The following AEBP2 variants were observed in gnomAD, a reference collection of about 807,000 sequenced individuals.
AEBP2 encodes AE binding protein 2, also known as zinc finger protein AEBP2.
In AEBP2, 10 loss-of-function variants were observed where a neutral mutation model predicts 50.8. The observed-to-expected ratio is 0.20, with a 90% CI of 0.12 to 0.33. AEBP2 has a LOEUF of 0.33. Ranked by LOEUF, AEBP2 falls within the 10% of genes least tolerant of loss-of-function variation. The pLI, the probability that AEBP2 is intolerant of heterozygous loss-of-function variation, is 1.00. For missense variants in AEBP2, 570 were observed against 688.0 expected, an observed-to-expected ratio of 0.83 and a Z score of 1.92; for synonymous variants, 296 against 261.3, an observed-to-expected ratio of 1.13 and a Z score of -1.28.
chr12:19,518,898 A>T lies in AEBP2; in HGVS notation c.*781A>T, dbSNP rs1447435885. On this transcript the variant is annotated 3_prime_UTR_variant, in exon 8 of 8. Coordinates refer to ENST00000266508, the MANE Select transcript of AEBP2 (RefSeq NM_153207.5). ...GTTAACGGTTTTTGAAAAACCTTTC[A>T]AATTATTTGAATAATCTTCATATTT... The T allele has an allele frequency of 2.6e-6, 1 of 389,380 alleles. No homozygotes were observed. 24.1% of individuals were successfully genotyped at this position (389,380 alleles called of 1,614,324 possible).
intron 5 of AEBP2, among the ~76,000 whole-genome samples, chr12:19,508,682 T>G (rs888225573): frequency 1.3e-5 from 2 of 152,190 alleles, no homozygotes; most frequent in African/African-American, 4.8e-5. Flanking sequence ...CGATGTTAAC[T>G]TGCATAGATT....
chr12:19,423,018 T>C (rs1458521031), intron 1 of AEBP2, among the ~76,000 whole-genome samples: 2 of 126,428 alleles, frequency 1.6e-5, no homozygotes, highest in Non-Finnish European at 3.1e-5. Context: ...TGAGCCGAGA[T>C]TGTGCCACTG....
At chr12:19,405,656 T>C (rs1260873945) in intron 1 of AEBP2, among the ~76,000 whole-genome samples, 4 of 152,118 alleles carry the variant, frequency 2.6e-5, no homozygotes, top group Non-Finnish European at 4.4e-5. Flanking sequence ...AAGATTTTCC[T>C]CTATTTTCAT....
At chr12:19,504,938 G>A (rs1949134405) in intron 5 of AEBP2, among the ~76,000 whole-genome samples, 1 of 152,136 alleles carries the variant, frequency 6.6e-6, no homozygotes, top group African/African-American at 2.4e-5. Flanking sequence ...GCAAGAAAGT[G>A]GAAAATTAGA....
chr12:19,482,177 C>T (rs1303255450), intron 3 of AEBP2, among the ~76,000 whole-genome samples: 1 of 152,072 alleles, frequency 6.6e-6, no homozygotes, highest in African/African-American at 2.4e-5. Flanking sequence ...TATTGCTCTT[C>T]TGAGTGTAGC....
At chr12:19,497,949 C>CT (rs766491141) in intron 4 of AEBP2, among the ~76,000 whole-genome samples, 19 of 152,306 alleles carry the variant, frequency 1.2e-4, no homozygotes, top group Middle Eastern at 3.4e-3. Context: ...GTATTCTATT[C>CT]TTTACGTACT....
In AEBP2 at chr12:19,446,994, T is replaced by C. The variant is rs568533263; in HGVS notation, c.671+6624T>C. Among the ~76,000 whole-genome samples the C allele has an allele frequency of 2.0e-5, 3 of 152,258 alleles. No individual in the cohort carries two copies. In the South Asian group the frequency reaches 6.2e-4, roughly 32 times the overall value. ...TTGTATAGTTAGTGACTAAAGATTTTGTGTGGGAAGGGGGACAGATTTTAG... is the reference window on the plus strand; with the variant it reads ...TTGTATAGTTAGTGACTAAAGATTTCGTGTGGGAAGGGGGACAGATTTTAG... On this transcript the variant is annotated intron_variant, in intron 1 of 7. Transcript: ENST00000266508.
intron 2 of AEBP2, among the ~76,000 whole-genome samples, chr12:19,467,184 G>C (rs983775089): frequency 6.6e-6 from 1 of 151,962 alleles, no homozygotes; most frequent in Non-Finnish European, 1.5e-5. Flanking sequence ...AGGATTACAG[G>C]TGTGAGCCAC....
At chr12:19,470,481 C>T (rs115879309) in intron 2 of AEBP2, among the ~76,000 whole-genome samples, 413 of 152,270 alleles carry the variant, frequency 2.7e-3, no homozygotes, top group African/African-American at 9.5e-3. Context: ...CTACACATTT[C>T]ACCCCAATAT....
At chr12:19,470,836 G>A (rs192880648) in intron 2 of AEBP2, among the ~76,000 whole-genome samples, 3 of 152,158 alleles carry the variant, frequency 2.0e-5, no homozygotes, top group African/African-American at 7.2e-5. Context: ...GGGCGGGGGG[G>A]TCACTTAAGA....
At chr12:19,480,440 T>G (rs1226407621) in intron 3 of AEBP2, among the ~76,000 whole-genome samples, 1 of 152,222 alleles carries the variant, frequency 6.6e-6, no homozygotes, top group East Asian at 1.9e-4. Flanking sequence ...CGAGGTTTTA[T>G]TTCAAGATTT....
In AEBP2 at chr12:19,439,595, G is replaced by T. The variant is rs2153365816; in HGVS notation, c.-105G>T. Reference sequence around the variant, plus strand: ...GCGGGCCCTCCTCCTGCTCTGCAGCGGCGTCGGCGGAGTTTTGGGCGTTTG... The same window carrying T: ...GCGGGCCCTCCTCCTGCTCTGCAGCTGCGTCGGCGGAGTTTTGGGCGTTTG... On this transcript the variant is annotated 5_prime_UTR_variant, in exon 1 of 8. Coordinates refer to ENST00000266508, the MANE Select transcript of AEBP2 (RefSeq NM_153207.5). 7.1e-7 allele frequency: 1 copy of T among 1,400,548 alleles called. No individual in the cohort carries two copies. Among genetic ancestry groups the T allele is most frequent in the Middle Eastern group, 2.5e-4 (1 of 4,058 alleles). The allele number at this position is 1,400,548 out of a possible 1,614,324, so 86.8% of individuals were successfully genotyped here. A position where few individuals can be genotyped will look rare whatever the true frequency, so the allele number is the denominator to read the frequency against.
chr12:19,459,663 T>A (rs1005677808), intron 1 of AEBP2, among the ~76,000 whole-genome samples: 1 of 152,236 alleles, frequency 6.6e-6, no homozygotes, highest in African/African-American at 2.4e-5. Context: ...GATTCACATT[T>A]GAGAGTTTTA....
chr12:19,509,829 T>TC (rs1412892080), intron 5 of AEBP2, among the ~76,000 whole-genome samples: 3 of 135,460 alleles, frequency 2.2e-5, no homozygotes, highest in Admixed American at 1.5e-4. Flanking sequence ...TCTTTTTTTT[T>TC]TTTTTTTTTT....
intron 1 of AEBP2, among the ~76,000 whole-genome samples, chr12:19,449,492 A>C (rs1047873247): frequency 5.3e-5 from 8 of 152,186 alleles, no homozygotes; most frequent in Non-Finnish European, 1.0e-4. Flanking sequence ...CTCAGTGCGT[A>C]GTGGTGATAA....
rs992989594 is a variant in AEBP2 at position 19,520,605 on chromosome 12, A to G, written c.*2488A>G. On this transcript the variant is annotated 3_prime_UTR_variant, in exon 8 of 8. Transcript: ENST00000266508. Reference sequence around the variant, plus strand: ...ATCTGTATTGTTGCTCCTACCTTCAAATATGACACCTGAAATAATAAGTCT... The same window carrying G: ...ATCTGTATTGTTGCTCCTACCTTCAGATATGACACCTGAAATAATAAGTCT... The G allele has an allele frequency of 2.6e-5, 4 of 152,160 alleles. No individual in the cohort carries two copies. The highest frequency in any genetic ancestry group is 5.9e-5 in the Non-Finnish European group (4 of 68,026). 9.4% of individuals were successfully genotyped at this position (152,160 alleles called of 1,614,324 possible).
chr12:19,423,177 C>T (rs2095746747), intron 1 of AEBP2, among the ~76,000 whole-genome samples: 1 of 149,322 alleles, frequency 6.7e-6, no homozygotes, highest in African/African-American at 2.5e-5. Context: ...GTGCTAAGAG[C>T]AGTGCCTCAT....
At chr12:19,478,761 G>GT (rs1393388221) in intron 3 of AEBP2, among the ~76,000 whole-genome samples, 1 of 152,108 alleles carries the variant, frequency 6.6e-6, no homozygotes, top group African/African-American at 2.4e-5. Flanking sequence ...TAATTTCCAT[G>GT]TGTTTGTGTA....
intron 5 of AEBP2, among the ~76,000 whole-genome samples, chr12:19,507,845 A>G (rs1949173626): frequency 6.6e-6 from 1 of 152,236 alleles, no homozygotes; most frequent in African/African-American, 2.4e-5. Context: ...GTAGTAAAAA[A>G]CATTCAGTAC....
Sources: allele counts gnomAD v4.1 joint callset (sites outside exome capture counted in the v4.1 genomes callset), GRCh38; gene constraint gnomAD v4.1.1; transcripts MANE v1.5; gene names NCBI Gene and HGNC (gene_info 2026-07-23, HGNC 2026-07-21).